Variants in NFKB1 observed in about 807,000 individuals in gnomAD.
NFKB1 encodes nuclear factor NF-kappa-B p105 subunit.
NFKB1 carries 9 observed loss-of-function variants against 105.1 expected under a neutral mutation model. The observed-to-expected ratio is 0.09, with a 90% CI of 0.05 to 0.15. The LOEUF is 0.15. Among genes scored for constraint, NFKB1 ranks in the 10% least tolerant of loss-of-function variants. The pLI is 1.00. For synonymous variants in NFKB1, 440 were observed against 442.2 expected (o/e 1.00, Z 0.06); for missense variants, 830 against 1,203.7 (o/e 0.69, Z 4.59).
chr4:102,615,622 A>G (rs1199233716), intron 23 of NFKB1, among the ~76,000 whole-genome samples: 8 of 152,242 alleles, frequency 5.3e-5, no homozygotes, highest in African/African-American at 1.4e-4. Flanking sequence ...AAAAGTAAAT[A>G]CCTAAGCATT....
At chr4:102,532,257 T>G (rs1741339871) in intron 3 of NFKB1, among the ~76,000 whole-genome samples, 1 of 152,148 alleles carries the variant, frequency 6.6e-6, no homozygotes, top group Non-Finnish European at 1.5e-5. Flanking sequence ...TCTTGAATAA[T>G]AACAGGAAGT....
In NFKB1 at chr4:102,507,371, T is replaced by C. The variant is rs72696127; in HGVS notation, c.-8+5583T>C. 6.6e-3 allele frequency among the ~76,000 whole-genome samples: 1,001 copies of C among 152,304 alleles called. 3 individuals carry two copies. Among genetic ancestry groups the C allele is most frequent in the Non-Finnish European group, 7.8e-3 (533 of 68,012 alleles). Reference sequence around the variant, plus strand: ...TTTGTTATAATCCTTACGCTACTAGTAGAAATGTATGGACAATTCATGCAT... The same window carrying C: ...TTTGTTATAATCCTTACGCTACTAGCAGAAATGTATGGACAATTCATGCAT... On this transcript the variant is annotated intron_variant, in intron 1 of 23. Coordinates refer to ENST00000226574, the MANE Select transcript of NFKB1 (RefSeq NM_003998.4).
In NFKB1 at chr4:102,606,498, G is replaced by A. The variant is rs4648093; in HGVS notation, c.1755G>A (p.Thr585=). The part of the protein sequence containing the change: ...IINMRNDLYQ[T]PLHLAVITKQ... The stretch of plus-strand genomic sequence containing the variant: ...TCTCCTGCCCTTTCACTTTCCAGAC[G>A]CCCTTGCACTTGGCAGTGATCACTA... The change falls in exon 17 of 24, where the codon ACG becomes ACA. Residue 585 remains threonine (T), a splice_region_variant and synonymous_variant. Transcript: ENST00000226574. The A allele has an allele frequency of 5.1e-3, 8,311 of 1,613,828 alleles. 257 individuals carry two copies. In the African/African-American group the frequency reaches 0.073, roughly 14 times the overall value.
intron 1 of NFKB1, among the ~76,000 whole-genome samples, chr4:102,521,278 C>G (rs1395283424): frequency 6.6e-6 from 1 of 152,152 alleles, no homozygotes; most frequent in Non-Finnish European, 1.5e-5. Flanking sequence ...TTTGTTTCCT[C>G]CAGAAAATTC....
At chr4:102,589,005 A>G (rs948319272) in intron 11 of NFKB1, among the ~76,000 whole-genome samples, 1 of 152,184 alleles carries the variant, frequency 6.6e-6, no homozygotes, top group African/African-American at 2.4e-5. Flanking sequence ...ATGGAGTGTG[A>G]AAGTCTCCAT....
chr4:102,518,481 A>G (rs891992745), intron 1 of NFKB1, among the ~76,000 whole-genome samples: 1 of 151,854 alleles, frequency 6.6e-6, no homozygotes, highest in African/African-American at 2.4e-5. Context: ...TAATTAACCC[A>G]TACCCCACAT....
rs372604755 is a variant in NFKB1, at chr4:102,596,280, G to A, written c.1443G>A (p.Glu481=). ...EPSEATVGNG[E]VTLTYATGTK... ...GCGAGGCCACCGTTGGGAATGGTGA[G>A]GTCACTCTAACGTATGCAACAGGAA... Residue 481 remains glutamate (E), a synonymous_variant, in exon 14 of 24, where the codon GAG becomes GAA. Transcript: ENST00000226574. The A allele has an allele frequency of 6.2e-7, 1 of 1,613,506 alleles. No homozygotes were observed. The highest frequency in any genetic ancestry group is 8.5e-7 in the Non-Finnish European group (1 of 1,179,558).
At chr4:102,591,467 G>A (rs1347942470) in intron 11 of NFKB1, among the ~76,000 whole-genome samples, 1 of 150,660 alleles carries the variant, frequency 6.6e-6, no homozygotes, top group East Asian at 1.9e-4. Context: ...AGTTAATGCA[G>A]CTGGTGACTT....
chr4:102,600,799 A>G, intron 15 of NFKB1, 96 bp from the exon 16 acceptor site: 4 of 777,892 alleles, frequency 5.1e-6, no homozygotes, highest in Non-Finnish European at 9.0e-6. Flanking sequence ...ACTAGGTATG[A>G]GAGCAGATTC....
At chr4:102,525,685 T>G in intron 2 of NFKB1, 128 bp downstream of exon 2, 1 of 782,054 alleles carries the variant, frequency 1.3e-6, no homozygotes, top group Non-Finnish European at 2.0e-6. Context: ...TAATTTCAGT[T>G]TCTCTGTCCT....
At chr4:102,518,185 C>T (rs553023045) in intron 1 of NFKB1, among the ~76,000 whole-genome samples, 2 of 152,272 alleles carry the variant, frequency 1.3e-5, no homozygotes, top group South Asian at 2.1e-4. Context: ...AAATGGGGCT[C>T]ATTGCAGCAG....
At chr4:102,505,191 T>C (rs1411843337) in intron 1 of NFKB1, among the ~76,000 whole-genome samples, 9 of 152,190 alleles carry the variant, frequency 5.9e-5, no homozygotes, top group Non-Finnish European at 1.5e-5. Context: ...GTTGTGCAAA[T>C]TGCATTGCTA....
chr4:102,607,631 G>T lies in NFKB1; in HGVS notation c.2125-18G>T, dbSNP rs1400971443. 1.9e-6 allele frequency: 3 copies of T among 1,612,306 alleles called. No homozygotes were observed. The highest frequency in any genetic ancestry group is 1.7e-6 in the Non-Finnish European group (2 of 1,178,476). On this transcript the variant is annotated intron_variant, in intron 18 of 23. Transcript: ENST00000226574. ...AAGAACCTTCCACTAACGCTTTCTT[G>T]TGTGGGCTGGATTGTAGGGTGATGC...
intron 6 of NFKB1, among the ~76,000 whole-genome samples, chr4:102,573,710 A>G (rs1429969902): frequency 1.3e-5 from 2 of 152,100 alleles, no homozygotes; most frequent in African/African-American, 4.8e-5. Flanking sequence ...CAGCTCACTG[A>G]TGACCTGTTT....
chr4:102,601,763 T>C (rs1487459244), intron 16 of NFKB1, among the ~76,000 whole-genome samples: 1 of 152,202 alleles, frequency 6.6e-6, no homozygotes, highest in Non-Finnish European at 1.5e-5. Context: ...GGGAGCCCAG[T>C]GACCCCAGCC....
In NFKB1 at chr4:102,507,077, AT is replaced by A. The variant is rs1030111339; in HGVS notation, c.-8+5295del. On this transcript the variant is annotated intron_variant, in intron 1 of 23. Transcript: ENST00000226574. ...TTAGTTACAAATATGTATATATAAT[AT>A]TTTTTGTTGTTGCCAGCAAAATGAG... 6.0e-5 allele frequency among the ~76,000 whole-genome samples: 9 copies of A among 150,540 alleles called. 1 individual carries two copies. The highest frequency in any genetic ancestry group is 5.3e-4 in the Admixed American group (8 of 15,074).
At chr4:102,516,077 G>C (rs150746838) in intron 1 of NFKB1, among the ~76,000 whole-genome samples, 2 of 151,428 alleles carry the variant, frequency 1.3e-5, no homozygotes, top group East Asian at 1.9e-4. Context: ...CTTCTAGCTT[G>C]TACTGTATCT....
chr4:102,580,301 A>C (rs1046664949), intron 8 of NFKB1, among the ~76,000 whole-genome samples: 1 of 152,128 alleles, frequency 6.6e-6, no homozygotes, highest in Admixed American at 6.5e-5. Flanking sequence ...TTAGAGGGAG[A>C]AACAAATACC....
At chr4:102,600,738 C>T (rs140587256) in intron 15 of NFKB1, among the ~76,000 whole-genome samples, 157 bp from the exon 16 acceptor site, 1 of 152,346 alleles carries the variant, frequency 6.6e-6, no homozygotes, top group East Asian at 1.9e-4. Flanking sequence ...CAGCATCCCA[C>T]CTCAGATTCA....
Sources: gnomAD v4.1 joint callset for allele counts (sites outside exome capture counted in the v4.1 genomes callset) on GRCh38, gnomAD v4.1.1 for gene constraint, MANE v1.5 for transcripts, NCBI Gene and HGNC (gene_info 2026-07-23, HGNC 2026-07-21) for gene names.